Variants in ROBO2 observed in about 807,000 individuals in gnomAD.
ROBO2 encodes roundabout homolog 2.
A neutral mutation model predicts 160.8 loss-of-function variants in ROBO2; 53 were observed. The observed-to-expected ratio is 0.33, with a 90% confidence interval of 0.26 to 0.41. The LOEUF is 0.41. Among genes scored for constraint, ROBO2 ranks in the 10% least tolerant of loss-of-function variants. The pLI, the probability that ROBO2 is intolerant of heterozygous loss-of-function variation, is 1.00. For synonymous variants in ROBO2, 664 were observed against 611.7 expected, an observed-to-expected ratio of 1.09 and a Z score of -1.26; for missense variants, 1,577 against 1,722.4, an observed-to-expected ratio of 0.92 and a Z score of 1.49.
chr3:77,405,406 A>G (rs189180950), intron 2 of ROBO2, among the ~76,000 whole-genome samples: 33 of 152,230 alleles, frequency 2.2e-4, no homozygotes, highest in Middle Eastern at 3.4e-3. Context: ...ATTCACCAAA[A>G]AATTAAAAAT....
intron 2 of ROBO2, among the ~76,000 whole-genome samples, chr3:77,293,837 A>G: frequency 7.0e-6 from 1 of 142,184 alleles, no homozygotes; most frequent in African/African-American, 2.8e-5. Context: ...ATTGATGGTT[A>G]AACGGGTAGG....
rs116855810 is a variant in ROBO2, at chr3:77,497,462, G to T, written c.806+4080G>T. 2.0e-5 allele frequency among the ~76,000 whole-genome samples: 3 copies of T among 152,176 alleles called. No homozygotes were observed. In the East Asian group the frequency reaches 5.8e-4, roughly 29 times the overall value. ...GCCTACTACATTTGTAATGCTCATT[G>T]CAAGTTTGAAAAAGTAAGTCGTTTT... On this transcript the variant is annotated intron_variant, in intron 5 of 25. Coordinates refer to ENST00000461745, the Ensembl canonical transcript of ROBO2.
chr3:76,886,294 A>T (rs1019554995), intron 2 of ROBO2, among the ~76,000 whole-genome samples: 2 of 151,866 alleles, frequency 1.3e-5, no homozygotes, highest in African/African-American at 4.8e-5. Context: ...TGGATTGCAG[A>T]TAACTTCATT....
intron 2 of ROBO2, among the ~76,000 whole-genome samples, chr3:76,442,483 G>A (rs1237463731): frequency 2.0e-5 from 3 of 152,082 alleles, no homozygotes; most frequent in Non-Finnish European, 2.9e-5. Flanking sequence ...TGGTGGCTCA[G>A]GGCAGTACCT....
intron 2 of ROBO2, among the ~76,000 whole-genome samples, chr3:76,897,738 G>A (rs2074917281): frequency 6.7e-6 from 1 of 148,866 alleles, no homozygotes; most frequent in South Asian, 2.1e-4. Context: ...AATTTTTTTA[G>A]AGCTGGATAT....
chr3:76,286,217 A>C (rs915124345), intron 2 of ROBO2, among the ~76,000 whole-genome samples: 1 of 152,258 alleles, frequency 6.6e-6, no homozygotes, highest in Non-Finnish European at 1.5e-5. Flanking sequence ...ACAAGCTTCC[A>C]TAAAAGCAAT....
chr3:75,929,487 C>G (rs1297081205), intron 1 of ROBO2, among the ~76,000 whole-genome samples: 1 of 152,148 alleles, frequency 6.6e-6, no homozygotes, highest in African/African-American at 2.4e-5. Context: ...CTCTAGCTTT[C>G]ATAAATTGAG....
chr3:76,230,648 A>G (rs1386438152), intron 2 of ROBO2, among the ~76,000 whole-genome samples: 2 of 151,802 alleles, frequency 1.3e-5, no homozygotes, highest in Non-Finnish European at 2.9e-5. Flanking sequence ...ACTTACTACT[A>G]TTTGTTATTC....
At chr3:76,278,894 C>T (rs2107661453) in intron 2 of ROBO2, among the ~76,000 whole-genome samples, 1 of 151,974 alleles carries the variant, frequency 6.6e-6, no homozygotes, top group Admixed American at 6.6e-5. Context: ...ACCTCTTCCT[C>T]ACTGTAAGCT....
At chr3:76,691,797 T>G (rs1184412087) in intron 2 of ROBO2, among the ~76,000 whole-genome samples, 1 of 151,876 alleles carries the variant, frequency 6.6e-6, no homozygotes, top group East Asian at 1.9e-4. Context: ...GACCTGAAAA[T>G]GATGAGGCAA....
intron 2 of ROBO2, among the ~76,000 whole-genome samples, chr3:77,260,289 T>C (rs115772200): frequency 0.013 from 1,950 of 152,278 alleles, 49 homozygotes; most frequent in African/African-American, 0.044. Context: ...AAATAGAAGA[T>C]ATACATTATT....
intron 2 of ROBO2, among the ~76,000 whole-genome samples, chr3:76,736,512 C>A (rs1218058918): frequency 6.6e-6 from 1 of 152,076 alleles, no homozygotes; most frequent in African/African-American, 2.4e-5. Context: ...GATTATCCAA[C>A]AATCAGTTAC....
rs1020845426 is a variant in ROBO2, at chr3:76,278,357, A to C, written c.109+340755A>C. On this transcript the variant is annotated intron_variant, in intron 2 of 26. Coordinates refer to the ROBO2 transcript ENST00000487694. ...TAATTGCAGAGTTTTGCATTCTAAT[A>C]AACTGGAAAAGCCCAGGTACATTTC... Among the ~76,000 whole-genome samples, 16 of 152,058 alleles carry C rather than the reference A, an allele frequency of 1.1e-4. 1 individual carries two copies. The highest frequency in any genetic ancestry group is 9.2e-4 in the Admixed American group (14 of 15,216).
intron 2 of ROBO2, among the ~76,000 whole-genome samples, chr3:76,296,148 C>T (rs1326709452): frequency 2.0e-5 from 3 of 152,072 alleles, no homozygotes; most frequent in East Asian, 1.9e-4. Flanking sequence ...ATGGAGAATA[C>T]GATGTGATGA....
At chr3:76,442,431 G>A (rs1473491481) in intron 2 of ROBO2, among the ~76,000 whole-genome samples, 1 of 152,042 alleles carries the variant, frequency 6.6e-6, no homozygotes, top group Admixed American at 6.6e-5. Context: ...AAACTACCGT[G>A]CGTTATTCTT....
intron 1 of ROBO2, among the ~76,000 whole-genome samples, chr3:75,914,463 T>G (rs899155353): frequency 3.9e-5 from 6 of 152,178 alleles, no homozygotes; most frequent in African/African-American, 1.4e-4. Flanking sequence ...AAACCCTCAT[T>G]CAAATATTCT....
At position 76,674,759 on chromosome 3, in the gene ROBO2, G is replaced by A. The variant is rs926878280; in HGVS notation, c.110-423255G>A. Among the ~76,000 whole-genome samples, 9 of 152,236 alleles carry A rather than the reference G, an allele frequency of 5.9e-5. No homozygotes were observed. In the South Asian group the frequency reaches 1.2e-3, roughly 21 times the overall value. ...CTGAGATTCTGTCTGCGTTTCTAAC[G>A]TGCTTCCAGGGGCTTCTCCAAGGTG... is the stretch of plus-strand genomic sequence containing the variant. On this transcript the variant is annotated intron_variant, in intron 2 of 26. Transcript: ENST00000487694.
At chr3:76,326,770 T>A (rs1393610930) in intron 2 of ROBO2, among the ~76,000 whole-genome samples, 1 of 46,356 alleles carries the variant, frequency 2.2e-5, no homozygotes, top group Non-Finnish European at 3.8e-5. Flanking sequence ...CCCTCCCCCC[T>A]CCCCCCACCC....
intron 2 of ROBO2, among the ~76,000 whole-genome samples, chr3:76,062,078 T>C (rs1468399652): frequency 6.6e-6 from 1 of 152,158 alleles, no homozygotes; most frequent in East Asian, 1.9e-4. Flanking sequence ...GCCAACTGGC[T>C]AGCAACCTTA....
Sources: gnomAD v4.1 joint callset for allele counts (sites outside exome capture counted in the v4.1 genomes callset) on GRCh38, gnomAD v4.1.1 for gene constraint, MANE v1.5 for transcripts, NCBI Gene and HGNC (gene_info 2026-07-23, HGNC 2026-07-21) for gene names.